The following COL24A1 variants were observed in gnomAD, a reference collection of about 807,000 sequenced individuals.
The protein encoded by COL24A1 is collagen alpha-1(XXIV) chain.
Under a neutral mutation model 253.9 loss-of-function variants are expected in COL24A1, and 224 were observed. That is an observed-to-expected ratio of 0.88 (90% CI 0.79 to 0.99). The LOEUF is 0.99. Among genes scored for constraint, COL24A1 ranks in the 50% least tolerant of loss-of-function variants. The pLI, the probability that COL24A1 is intolerant of heterozygous loss-of-function variation, is 0.00. For missense variants in COL24A1, 2,131 were observed against 2,068.5 expected, an observed-to-expected ratio of 1.03 and a Z score of -0.59; for synonymous variants, 685 against 673.7, an observed-to-expected ratio of 1.02 and a Z score of -0.26.
intron 5 of COL24A1, among the ~76,000 whole-genome samples, chr1:86,093,278 T>TG (rs1703639926): frequency 6.6e-6 from 1 of 152,076 alleles, no homozygotes; most frequent in African/African-American, 2.4e-5. Flanking sequence ...CAGAGTCCTG[T>TG]ATTCTATAGT....
In COL24A1 at chr1:85,875,321, C is replaced by T. The variant is rs765865962; in HGVS notation, c.3040G>A (p.Gly1014Ser). 1.9e-6 allele frequency: 3 copies of T among 1,613,592 alleles called. No individual in the cohort carries two copies. Among genetic ancestry groups the T allele is most frequent in the Non-Finnish European group, 2.5e-6 (3 of 1,179,618 alleles). The change falls in exon 34 of 60, where the codon GGC becomes AGC. Residue 1014 changes from glycine to serine, a missense_variant. Coordinates refer to ENST00000370571, the MANE Select transcript of COL24A1 (RefSeq NM_152890.7). ...PGEMGMEGPPGTEGESGLQGE... is the reference protein window; with the variant it reads ...PGEMGMEGPPSTEGESGLQGE... ...TGCAGACCAGACTCTCCCTCAGTGC[C>T]TGGAGGTCCCTACAAGAGAATAATT...
intron 53 of COL24A1, among the ~76,000 whole-genome samples, chr1:85,768,238 G>T (rs1667574899): frequency 6.6e-6 from 1 of 152,158 alleles, no homozygotes. Flanking sequence ...ACACTGGAGA[G>T]GCAAACAGGG....
chr1:86,114,373 A>C (rs1458637525), intron 4 of COL24A1, among the ~76,000 whole-genome samples: 1 of 152,226 alleles, frequency 6.6e-6, no homozygotes, highest in Non-Finnish European at 1.5e-5. Flanking sequence ...TGTTGAGAGT[A>C]CAACCTTAGC....
At chr1:86,084,748 A>AACT (rs1702932022) in intron 7 of COL24A1, among the ~76,000 whole-genome samples, 1 of 152,200 alleles carries the variant, frequency 6.6e-6, no homozygotes, top group Admixed American at 6.5e-5. Flanking sequence ...GACACAGGGA[A>AACT]GTTTTCAAAG....
chr1:85,742,278 C>T (rs757623015), intron 57 of COL24A1, among the ~76,000 whole-genome samples: 3 of 151,702 alleles, frequency 2.0e-5, no homozygotes, highest in African/African-American at 4.8e-5. Flanking sequence ...ACTACAGGTG[C>T]GTGCCACCAC....
intron 47 of COL24A1, among the ~76,000 whole-genome samples, chr1:85,800,032 C>G (rs1235785163): frequency 3.3e-5 from 5 of 152,144 alleles, no homozygotes; most frequent in African/African-American, 1.2e-4. Context: ...AGAATCTGTT[C>G]TATGGCTCAG....
chr1:86,092,072 C>T (rs1193457030), intron 6 of COL24A1, among the ~76,000 whole-genome samples, 195 bp downstream of exon 6: 2 of 152,038 alleles, frequency 1.3e-5, no homozygotes, highest in African/African-American at 4.8e-5. Context: ...AATGTTAAGA[C>T]TTAAATCAAT....
chr1:86,054,604 C>A (rs1472802936), intron 10 of COL24A1, among the ~76,000 whole-genome samples: 1 of 152,064 alleles, frequency 6.6e-6, no homozygotes, highest in Non-Finnish European at 1.5e-5. Flanking sequence ...CCATCTCACA[C>A]CAGTCAGAAG....
At chr1:85,814,527 C>T (rs192505398) in intron 47 of COL24A1, among the ~76,000 whole-genome samples, 4 of 152,278 alleles carry the variant, frequency 2.6e-5, no homozygotes, top group Non-Finnish European at 1.5e-5. Context: ...TGCCACATTG[C>T]AATTTTCCTA....
At position 85,769,904 on chromosome 1, in the gene COL24A1, AT is replaced by A. The variant is rs955286429; in HGVS notation, c.4374+5769del. ...TTGTAATCCATCACAGAGCCACTCA[AT>A]TTTTTTTTCATGTGAAATGCTTGTG... is the stretch of plus-strand genomic sequence containing the variant. On this transcript the variant is annotated intron_variant, in intron 53 of 59. Transcript: ENST00000370571. Among the ~76,000 whole-genome samples, 97 of 151,694 alleles carry A rather than the reference AT, an allele frequency of 6.4e-4. 1 individual carries two copies. The highest frequency in any genetic ancestry group is 3.4e-3 in the Middle Eastern group (1 of 294).
At chr1:86,104,742 C>T (rs1388258592) in intron 5 of COL24A1, among the ~76,000 whole-genome samples, 1 of 152,184 alleles carries the variant, frequency 6.6e-6, no homozygotes, top group Non-Finnish European at 1.5e-5. Context: ...GGTTAGGATC[C>T]CACTGCAATG....
Position 85,816,821 on chromosome 1 carries a change from T to A in COL24A1, c.3918A>T (p.Gly1306=). 2 of 1,614,030 alleles carry A rather than the reference T, an allele frequency of 1.2e-6. No homozygotes were observed. The highest frequency in any genetic ancestry group is 1.7e-6 in the Non-Finnish European group (2 of 1,179,894). The change falls in exon 47 of 60, where the codon GGA becomes GGT. Residue 1306 remains glycine (G), a synonymous_variant. Coordinates refer to ENST00000370571, the MANE Select transcript of COL24A1 (RefSeq NM_152890.7). ...CCTGTTTTCCTGGTGGCCCAATTTTTCCAGGGTTTCCTGAAATGCCATCTG... is the reference window on the plus strand; with the variant it reads ...CCTGTTTTCCTGGTGGCCCAATTTTACCAGGGTTTCCTGAAATGCCATCTG... ...HGADGISGNP[G]KIGPPGKQGL...
intron 12 of COL24A1, among the ~76,000 whole-genome samples, chr1:86,043,780 C>T (rs1333267464): frequency 2.0e-5 from 3 of 152,244 alleles, no homozygotes; most frequent in Middle Eastern, 3.4e-3. Context: ...CCCGCCTCGG[C>T]CCCCCAAAGC....
intron 2 of COL24A1, among the ~76,000 whole-genome samples, chr1:86,133,584 C>T (rs1045716648): frequency 3.9e-5 from 6 of 152,110 alleles, no homozygotes; most frequent in Non-Finnish European, 8.8e-5. Flanking sequence ...TGGCAAAGGC[C>T]TTTTCTGCAT....
intron 46 of COL24A1, among the ~76,000 whole-genome samples, chr1:85,817,269 A>G (rs1339683312): frequency 6.6e-6 from 1 of 152,104 alleles, no homozygotes; most frequent in African/African-American, 2.4e-5. Flanking sequence ...CATCTGCCAA[A>G]CCTTGTATTG....
intron 55 of COL24A1, among the ~76,000 whole-genome samples, chr1:85,755,106 C>T (rs561988401): frequency 1.4e-4 from 22 of 151,974 alleles, no homozygotes; most frequent in Non-Finnish European, 2.8e-4. Flanking sequence ...AGCTAATTTC[C>T]CATAAAAAAC....
chr1:86,090,123 C>A (rs910513882), intron 6 of COL24A1, among the ~76,000 whole-genome samples: 12 of 152,152 alleles, frequency 7.9e-5, no homozygotes, highest in Admixed American at 5.9e-4. Flanking sequence ...ATGTGCTTGG[C>A]TCGAACAGAC....
chr1:85,811,720 A>G (rs1436726645), intron 47 of COL24A1, among the ~76,000 whole-genome samples: 1 of 152,228 alleles, frequency 6.6e-6, no homozygotes, highest in Non-Finnish European at 1.5e-5. Flanking sequence ...GATGTTATAT[A>G]TCCTTCCATG....
intron 18 of COL24A1, among the ~76,000 whole-genome samples, chr1:86,021,020 A>G (rs1298881270): frequency 6.6e-6 from 1 of 152,224 alleles, no homozygotes; most frequent in African/African-American, 2.4e-5. Context: ...TGGGTTAAAT[A>G]ATTCCTAAGA....
Sources: allele counts gnomAD v4.1 joint callset (sites outside exome capture counted in the v4.1 genomes callset), GRCh38; gene constraint gnomAD v4.1.1; transcripts MANE v1.5; gene names NCBI Gene and HGNC (gene_info 2026-07-23, HGNC 2026-07-21).